Variants in SPRED1 observed in about 807,000 individuals in gnomAD.
The protein encoded by SPRED1 is sprouty-related, EVH1 domain-containing protein 1.
SPRED1 carries 18 observed loss-of-function variants against 52.3 expected under a neutral mutation model. That is an observed-to-expected ratio of 0.34 (90% CI 0.24 to 0.51). SPRED1 has a LOEUF of 0.51. Among genes scored for constraint, SPRED1 ranks in the 20% least tolerant of loss-of-function variants. The pLI is 0.97. For synonymous variants in SPRED1, 155 were observed against 179.7 expected, an observed-to-expected ratio of 0.86 and a Z score of 1.10; for missense variants, 485 against 551.0, an observed-to-expected ratio of 0.88 and a Z score of 1.20.
At chr15:38,269,754 A>G (rs1028058916) in intron 1 of SPRED1, among the ~76,000 whole-genome samples, 4 of 152,126 alleles carry the variant, frequency 2.6e-5, no homozygotes, top group African/African-American at 7.2e-5. Flanking sequence ...GGTATCCACT[A>G]TGGTAGCTAC....
intron 1 of SPRED1, chr15:38,283,429 A>G (rs1894736823): frequency 1.4e-6 from 1 of 719,886 alleles, no homozygotes; most frequent in Non-Finnish European, 1.7e-6. Context: ...GTGAAGGGAT[A>G]TGTAGACAAG....
intron 2 of SPRED1, among the ~76,000 whole-genome samples, chr15:38,305,355 C>CCTT (rs1895232066): frequency 2.9e-5 from 4 of 136,286 alleles, no homozygotes; most frequent in Admixed American, 2.2e-4. Context: ...AAAAAAAAAA[C>CCTT]TTTTTTTTTT....
At chr15:38,299,895 A>G (rs548694046) in intron 2 of SPRED1, among the ~76,000 whole-genome samples, 1 of 152,276 alleles carries the variant, frequency 6.6e-6, no homozygotes, top group East Asian at 1.9e-4. Flanking sequence ...ATGCAAGCCC[A>G]CCAATTGTTT....
chr15:38,288,069 T>G (rs1297546415), intron 1 of SPRED1, among the ~76,000 whole-genome samples: 1 of 152,116 alleles, frequency 6.6e-6, no homozygotes, highest in South Asian at 2.1e-4. Flanking sequence ...TCTTACAGTT[T>G]TTGCTTGGAT....
At chr15:38,338,913 C>T (rs1438110717) in intron 4 of SPRED1, among the ~76,000 whole-genome samples, 1 of 151,948 alleles carries the variant, frequency 6.6e-6, no homozygotes, top group Non-Finnish European at 1.5e-5. Flanking sequence ...GGTTTGAACC[C>T]TTAAAATTGT....
intron 1 of SPRED1, among the ~76,000 whole-genome samples, chr15:38,296,909 A>T (rs1895051614): frequency 6.6e-6 from 1 of 152,170 alleles, no homozygotes; most frequent in Non-Finnish European, 1.5e-5. Context: ...TCATGAATGG[A>T]TTCGTATCCT....
intron 5 of SPRED1, among the ~76,000 whole-genome samples, chr15:38,344,619 C>A (rs896066337): frequency 1.3e-5 from 2 of 152,282 alleles, no homozygotes; most frequent in Middle Eastern, 3.4e-3. Context: ...TCTTTACTTA[C>A]TAGCTGTGTG....
chr15:38,329,223 A>G (rs1385573744), intron 4 of SPRED1, among the ~76,000 whole-genome samples: 1 of 152,178 alleles, frequency 6.6e-6, no homozygotes, highest in Non-Finnish European at 1.5e-5. Context: ...GGCAGAAGAA[A>G]GATGAGATCT....
chr15:38,266,476 C>T (rs1894308976), intron 1 of SPRED1, among the ~76,000 whole-genome samples: 1 of 151,862 alleles, frequency 6.6e-6, no homozygotes, highest in Admixed American at 6.6e-5. Context: ...CCTTTCTCTA[C>T]TAAAAATACA....
At chr15:38,305,346 A>C (rs932058357) in intron 2 of SPRED1, among the ~76,000 whole-genome samples, 8 of 89,330 alleles carry the variant, frequency 9.0e-5, no homozygotes, top group Non-Finnish European at 1.5e-4. Flanking sequence ...AAAAAACAAA[A>C]AAAAAAAACT....
intron 1 of SPRED1, among the ~76,000 whole-genome samples, chr15:38,276,210 G>GTTTT (rs536478144): frequency 8.2e-6 from 1 of 121,238 alleles, no homozygotes; most frequent in African/African-American, 3.0e-5. Context: ...TGCTGTGAAT[G>GTTTT]TTTTTTTTTT....
rs1318094442 is a variant in SPRED1, at chr15:38,355,297, C to T, written c.*3633C>T. ...AATGATGATGGGGTGGGGTTAAAAT[C>T]TAAAGGGAAAAACTTGAAACTACCT... On this transcript the variant is annotated 3_prime_UTR_variant, in exon 7 of 7. Transcript: ENST00000299084. 6.6e-6 allele frequency: 1 copy of T among 152,214 alleles called. No homozygotes were observed. The highest frequency in any genetic ancestry group is 2.4e-5 in the African/African-American group (1 of 41,446). The allele number at this position is 152,214 out of a possible 1,614,324, so 9.4% of individuals were successfully genotyped here.
intron 1 of SPRED1, among the ~76,000 whole-genome samples, chr15:38,277,098 T>G (rs1195636682): frequency 1.3e-5 from 2 of 152,202 alleles, no homozygotes; most frequent in Non-Finnish European, 2.9e-5. Flanking sequence ...GAAGTAAATT[T>G]ATTAAAATTT....
At position 38,329,715 on chromosome 15, in the gene SPRED1, T is replaced by C. The variant is rs188051569; in HGVS notation, c.423+4906T>C. Among the ~76,000 whole-genome samples, 238 of 152,308 alleles carry C rather than the reference T, an allele frequency of 1.6e-3. 2 individuals are homozygous for C. The highest frequency in any genetic ancestry group is 3.1e-3 in the East Asian group (16 of 5,188). On this transcript the variant is annotated intron_variant, in intron 4 of 6. Transcript: ENST00000299084. ...ATTACAAAGACAAAATTAGGAATCATTCATTCCTACCCCAAAATAATTACT... is the reference window on the plus strand; with the variant it reads ...ATTACAAAGACAAAATTAGGAATCACTCATTCCTACCCCAAAATAATTACT...
chr15:38,324,373 C>T (rs1375570522), intron 3 of SPRED1, among the ~76,000 whole-genome samples: 1 of 152,158 alleles, frequency 6.6e-6, no homozygotes, highest in Non-Finnish European at 1.5e-5. Context: ...GTTATGGGTA[C>T]TAAATACTGT....
intron 1 of SPRED1, among the ~76,000 whole-genome samples, chr15:38,278,354 G>A (rs1301320992): frequency 2.0e-5 from 3 of 152,114 alleles, no homozygotes; most frequent in Non-Finnish European, 2.9e-5. Context: ...GTGGTGGTGC[G>A]AGCCTATAGT....
Position 38,298,198 on chromosome 15 carries a change from C to T in SPRED1, c.33-1175C>T, listed in dbSNP as rs910747228. On this transcript the variant is annotated intron_variant, in intron 1 of 6. Transcript: ENST00000299084. ...CTCAATACAATGAGTAAAGTTAAGA[C>T]TGAAAACACCAAGTATTGGCAAGGA... Among the ~76,000 whole-genome samples, 5 of 152,182 alleles carry T rather than the reference C, an allele frequency of 3.3e-5. No homozygotes were observed. In the East Asian group the frequency reaches 5.8e-4, roughly 18 times the overall value.
At position 38,260,049 on chromosome 15, in the gene SPRED1, TAAC is replaced by T. The variant is rs372200696; in HGVS notation, c.32+6835_32+6837del. On this transcript the variant is annotated intron_variant, in intron 1 of 6. Coordinates refer to ENST00000299084, the MANE Select transcript of SPRED1 (RefSeq NM_152594.3). Reference sequence around the variant, plus strand: ...GAACATTCATAATTAAAGGAAGTGTTAACAAGCTATGACAGTATTAGAGGTACT... The same window carrying T: ...GAACATTCATAATTAAAGGAAGTGTTAAGCTATGACAGTATTAGAGGTACT... 5.9e-4 allele frequency among the ~76,000 whole-genome samples: 90 copies of T among 152,356 alleles called. 1 individual carries two copies. In the East Asian group the frequency reaches 0.014, roughly 23 times the overall value.
chr15:38,328,814 G>A lies in SPRED1; in HGVS notation c.423+4005G>A, dbSNP rs577622388. On this transcript the variant is annotated intron_variant, in intron 4 of 6. Coordinates refer to ENST00000299084, the MANE Select transcript of SPRED1 (RefSeq NM_152594.3). ...AGCTCACTGTAGCCTTTGCCTCCTG[G>A]GCTCAAATGGTCCTCCCGCATCAGC... 9.9e-5 allele frequency among the ~76,000 whole-genome samples: 15 copies of A among 151,908 alleles called. No homozygotes were observed. The South Asian group carries it at 1.0e-3, about 11-fold the overall frequency.
Sources: allele counts gnomAD v4.1 joint callset (sites outside exome capture counted in the v4.1 genomes callset), GRCh38; gene constraint gnomAD v4.1.1; transcripts MANE v1.5; gene names NCBI Gene and HGNC (gene_info 2026-07-23, HGNC 2026-07-21).